CKAP5: variants seen among roughly 807,000 people sequenced by gnomAD.
The protein encoded by CKAP5 is cytoskeleton associated protein 5, also known as cytoskeleton-associated protein 5.
In CKAP5, 27 loss-of-function variants were observed where a neutral mutation model predicts 232.8. The observed-to-expected ratio is 0.12, with a 90% CI of 0.09 to 0.16. The LOEUF is 0.16. CKAP5 is among the 10% of genes least tolerant of loss of function. The pLI, the probability that CKAP5 is intolerant of heterozygous loss-of-function variation, is 1.00. For synonymous variants in CKAP5, 785 were observed against 841.1 expected (o/e 0.93, Z 1.16); for missense variants, 1,838 against 2,424.7 (o/e 0.76, Z 5.08).
At chr11:46,760,912 A>G (rs1416088400) in intron 32 of CKAP5, 128 bp from the exon 33 acceptor site, 1 of 778,712 alleles carries the variant, frequency 1.3e-6, no homozygotes, top group African/African-American at 1.7e-5. Flanking sequence ...AAAATCAACT[A>G]CTATTAATAC....
chr11:46,803,303 G>T (rs543295939), intron 8 of CKAP5, among the ~76,000 whole-genome samples: 2 of 150,626 alleles, frequency 1.3e-5, no homozygotes, highest in South Asian at 4.4e-4. Context: ...ACTTCAAAAA[G>T]ATTTTTTTTT....
intron 42 of CKAP5, among the ~76,000 whole-genome samples, chr11:46,745,487 A>C (rs2065015550): frequency 1.3e-5 from 2 of 152,244 alleles, no homozygotes; most frequent in African/African-American, 4.8e-5. Flanking sequence ...TGTGCTGTTT[A>C]GGCCAAAATT....
At chr11:46,750,253 A>G in intron 42 of CKAP5, 21 bp downstream of exon 42, 2 of 1,607,506 alleles carry the variant, frequency 1.2e-6, no homozygotes, top group South Asian at 2.2e-5. Context: ...TTATTCCTGG[A>G]GCTATAACAG....
At chr11:46,766,991 A>G (rs982920297) in intron 27 of CKAP5, among the ~76,000 whole-genome samples, 7 of 151,822 alleles carry the variant, frequency 4.6e-5, no homozygotes, top group African/African-American at 1.5e-4. Flanking sequence ...AAATCAGCCT[A>G]AAGTGTTTAT....
intron 3 of CKAP5, among the ~76,000 whole-genome samples, chr11:46,816,974 C>CG (rs931215716): frequency 6.6e-6 from 1 of 151,762 alleles, no homozygotes; most frequent in Non-Finnish European, 1.5e-5. Flanking sequence ...GGTGTGGTGG[C>CG]GCATGCCTGT....
At position 46,743,227 on chromosome 11, in the gene CKAP5, C is replaced by T. The variant is rs1399332024; in HGVS notation, c.*796G>A. ...GGGCGCAATCTTGTGTGCCTTTGGT[C>T]AGCAAAGTGGTAGGATGCCCAAGAG... On this transcript the variant is annotated 3_prime_UTR_variant, in exon 44 of 44. Coordinates refer to ENST00000529230, the MANE Select transcript of CKAP5 (RefSeq NM_001008938.4). 2.0e-5 allele frequency: 3 copies of T among 152,180 alleles called. No homozygotes were observed. Among genetic ancestry groups the T allele is most frequent in the Non-Finnish European group, 2.9e-5 (2 of 68,036 alleles). 9.4% of individuals were successfully genotyped at this position (152,180 alleles called of 1,614,324 possible). A position where few individuals can be genotyped will look rare whatever the true frequency, so the allele number is the denominator to read the frequency against.
Position 46,841,162 on chromosome 11 carries a change from C to T in CKAP5, c.-38+5058G>A, listed in dbSNP as rs573615909. On this transcript the variant is annotated intron_variant, in intron 1 of 43. Transcript: ENST00000529230. Reference sequence around the variant, plus strand: ...GTGGGTTCTTGTAATCCCAGCTACTCGGGAGGCTGAGGAAGGAGAATCTCT... The same window carrying T: ...GTGGGTTCTTGTAATCCCAGCTACTTGGGAGGCTGAGGAAGGAGAATCTCT... Among the ~76,000 whole-genome samples the T allele has an allele frequency of 1.6e-4, 25 of 151,600 alleles. No individual in the cohort carries two copies. The South Asian group carries it at 4.6e-3, about 28-fold the overall frequency.
Position 46,810,868 on chromosome 11 carries a change from T to C in CKAP5, c.630+139A>G, listed in dbSNP as rs56331506. The C allele has an allele frequency of 4.2e-6, 3 of 717,558 alleles. No individual in the cohort carries two copies. In the South Asian group the frequency reaches 7.4e-5, roughly 18 times the overall value. 44.4% of individuals were successfully genotyped at this position (717,558 alleles called of 1,614,324 possible). ...CACCCAAGAGAATTGCTGAGAAAGT[T>C]AGCTATGCTCAGAAAAGCTGATTTC... is the stretch of plus-strand genomic sequence containing the variant. On this transcript the variant is annotated intron_variant, in intron 5 of 43. Coordinates refer to ENST00000529230, the MANE Select transcript of CKAP5 (RefSeq NM_001008938.4).
In CKAP5 at chr11:46,808,535, C is replaced by T. The variant is rs142447882; in HGVS notation, c.865-391G>A. ...TAGCCTGGGCGACAGAGCGAGACTCCGTCTCAAAAAAATAGTAATAATAAT... is the reference window on the plus strand; with the variant it reads ...TAGCCTGGGCGACAGAGCGAGACTCTGTCTCAAAAAAATAGTAATAATAAT... On this transcript the variant is annotated intron_variant, in intron 7 of 43. Coordinates refer to ENST00000529230, the MANE Select transcript of CKAP5 (RefSeq NM_001008938.4). Among the ~76,000 whole-genome samples the T allele has an allele frequency of 1.3e-3, 192 of 151,760 alleles. 3 individuals are homozygous for T. In the East Asian group the frequency reaches 0.032, roughly 25 times the overall value.
At chr11:46,749,679 C>G (rs1268615238) in intron 42 of CKAP5, among the ~76,000 whole-genome samples, 2 of 151,878 alleles carry the variant, frequency 1.3e-5, no homozygotes, top group South Asian at 2.1e-4. Context: ...TGAGGCCAGG[C>G]GCAGTGGCTC....
chr11:46,752,191 T>TATATATATATATAC (rs1555160680), intron 38 of CKAP5, among the ~76,000 whole-genome samples: 6 of 73,140 alleles, frequency 8.2e-5, no homozygotes, highest in African/African-American at 2.3e-4. Context: ...TATATATATA[T>TATATATATATATAC]ATACACACAC....
At position 46,758,940 on chromosome 11, in the gene CKAP5, T is replaced by C. The variant is rs561519398; in HGVS notation, c.4672A>G (p.Ile1558Val). Residue 1558 changes from isoleucine (I) to valine (V), a missense_variant, in exon 35 of 44, where the codon ATC becomes GTC. Ile to Val is a conservative substitution (Grantham distance 29). This residue lies in a region of CKAP5 where 579 missense variants were observed against 843.2 expected (regional missense o/e 0.69). Transcript: ENST00000529230. ...QVASGDINTS[I>V]QALTQIDEVL... ...CCCATTACCTGTGTCAGAGCTTGGA[T>C]ACTTGTGTTGATGTCACCACTGGCT... 133 of 1,613,990 alleles carry C rather than the reference T, an allele frequency of 8.2e-5. No individual in the cohort carries two copies. The Middle Eastern group carries it at 8.2e-4, about 10-fold the overall frequency.
chr11:46,760,380 C>T, intron 33 of CKAP5: 1 of 668,998 alleles, frequency 1.5e-6, no homozygotes, highest in Non-Finnish European at 2.7e-6. Flanking sequence ...ATAATTCTGT[C>T]CACGGAAAAG....
intron 24 of CKAP5, among the ~76,000 whole-genome samples, chr11:46,775,133 A>C (rs7111811): frequency 0.15 from 22,585 of 152,202 alleles, 2,553 homozygotes; most frequent in African/African-American, 0.32. Context: ...ACTTAAACAA[A>C]TTTATAAGAA....
intron 13 of CKAP5, among the ~76,000 whole-genome samples, chr11:46,793,513 G>A (rs1158757418): frequency 6.6e-6 from 1 of 152,242 alleles, no homozygotes; most frequent in Non-Finnish European, 1.5e-5. Context: ...AAGACTCAGT[G>A]ATGTGATCCA....
At chr11:46,796,601 A>C (rs1047514955) in intron 12 of CKAP5, among the ~76,000 whole-genome samples, 1 of 152,204 alleles carries the variant, frequency 6.6e-6, no homozygotes, top group Admixed American at 6.5e-5. Flanking sequence ...TTAATAAAAC[A>C]ACAGACAAAA....
chr11:46,845,400 C>T (rs1296312499), intron 1 of CKAP5, among the ~76,000 whole-genome samples: 1 of 152,158 alleles, frequency 6.6e-6, no homozygotes, highest in African/African-American at 2.4e-5. Flanking sequence ...TTCATCAACA[C>T]GAATATATTT....
chr11:46,838,427 A>G (rs756959529), intron 1 of CKAP5, among the ~76,000 whole-genome samples: 1 of 151,838 alleles, frequency 6.6e-6, no homozygotes, highest in Non-Finnish European at 1.5e-5. Context: ...GTTTGAGGCC[A>G]GGAGTTCAAG....
intron 4 of CKAP5, among the ~76,000 whole-genome samples, chr11:46,811,784 C>T (rs1939280143): frequency 6.6e-6 from 1 of 152,088 alleles, no homozygotes; most frequent in African/African-American, 2.4e-5. Context: ...CCTAATACCA[C>T]AAATATGTAT....
Sources: gnomAD v4.1 joint callset for allele counts (sites outside exome capture counted in the v4.1 genomes callset) on GRCh38, gnomAD v4.1.1 for gene constraint, gnomAD v4.1.1 regional missense constraint, MANE v1.5 for transcripts, NCBI Gene and HGNC (gene_info 2026-07-23, HGNC 2026-07-21) for gene names.